The following HIPK3 variants were observed in gnomAD, a reference collection of about 807,000 sequenced individuals.
HIPK3 encodes the protein homeodomain-interacting protein kinase 3.
HIPK3 carries 47 observed loss-of-function variants against 124.2 expected under a neutral mutation model. That is an observed-to-expected ratio of 0.38 (90% CI 0.30 to 0.48). The LOEUF (loss-of-function observed/expected upper bound fraction) is 0.48, where lower values mean the gene tolerates loss of function less well. HIPK3 is among the 20% of genes least tolerant of loss of function. HIPK3 has a pLI of 0.98. For missense variants in HIPK3, 1,286 were observed against 1,454.3 expected (o/e 0.88, Z 1.88); for synonymous variants, 482 against 515.2 (o/e 0.94, Z 0.87).
chr11:33,275,606 G>A (rs908592301), intron 1 of HIPK3, among the ~76,000 whole-genome samples: 1 of 151,962 alleles, frequency 6.6e-6, no homozygotes, highest in African/African-American at 2.4e-5. Context: ...GCTACATATT[G>A]TTATATAGTT....
chr11:33,298,676 CTT>C (rs1467242389), intron 2 of HIPK3, among the ~76,000 whole-genome samples: 1 of 152,170 alleles, frequency 6.6e-6, no homozygotes. Flanking sequence ...TCATGGATGA[CTT>C]CGAGGGGTTC....
intron 1 of HIPK3, chr11:33,258,584 C>T (rs1452068316): frequency 3.0e-6 from 3 of 985,308 alleles, no homozygotes; most frequent in South Asian, 4.7e-5. Flanking sequence ...TCTCTCGTTA[C>T]GGTGGCTGCC....
chr11:33,305,143 G>A (rs1852118232), intron 2 of HIPK3, among the ~76,000 whole-genome samples: 1 of 152,178 alleles, frequency 6.6e-6, no homozygotes, highest in Non-Finnish European at 1.5e-5. Context: ...TGGGATTACA[G>A]GCTTGCGCCA....
intron 16 of HIPK3, 124 bp downstream of exon 16, chr11:33,352,389 C>G: frequency 1.0e-6 from 1 of 995,932 alleles, no homozygotes; most frequent in Non-Finnish European, 1.5e-6. Flanking sequence ...CTCATTATCC[C>G]AAGTGGCTAA....
At chr11:33,352,381 C>G in intron 16 of HIPK3, 116 bp downstream of exon 16, 2 of 1,103,752 alleles carry the variant, frequency 1.8e-6, no homozygotes, top group Non-Finnish European at 2.6e-6. Context: ...TTTCCCTTCT[C>G]ATTATCCCAA....
chr11:33,342,218 A>G (rs565905823), intron 8 of HIPK3, among the ~76,000 whole-genome samples: 1 of 152,090 alleles, frequency 6.6e-6, no homozygotes, highest in East Asian at 1.9e-4. Flanking sequence ...GGGTCATATG[A>G]TAACTGTATT....
In HIPK3 at chr11:33,339,550, AT is replaced by A. The variant is rs1297603580; in HGVS notation, c.1613+17del. 6 of 1,537,846 alleles carry A rather than the reference AT, an allele frequency of 3.9e-6. No homozygotes were observed. Among genetic ancestry groups the A allele is most frequent in the Non-Finnish European group, 5.3e-6 (6 of 1,125,378 alleles). On this transcript the variant is annotated intron_variant, in intron 6 of 16. Transcript: ENST00000303296. ...ATAGCAACCAGTATGTTACTTTAAGATCTTTTAAAGTGGTTCTAAAAAAAAA... is the reference window on the plus strand; with the variant it reads ...ATAGCAACCAGTATGTTACTTTAAGACTTTTAAAGTGGTTCTAAAAAAAAA...
intron 3 of HIPK3, chr11:33,335,590 T>G (rs1359315786): frequency 6.6e-6 from 1 of 152,076 alleles, no homozygotes; most frequent in African/African-American, 2.4e-5. Flanking sequence ...TGAAATAATA[T>G]AGGCTACTAT....
intron 2 of HIPK3, among the ~76,000 whole-genome samples, chr11:33,310,330 G>A (rs1170077883): frequency 5.8e-5 from 5 of 86,428 alleles, no homozygotes; most frequent in African/African-American, 1.2e-4. Flanking sequence ...ATTCTATTGA[G>A]GGTCTTGCTG....
At chr11:33,285,825 G>T (rs1317311695) in intron 1 of HIPK3, among the ~76,000 whole-genome samples, 2 of 151,952 alleles carry the variant, frequency 1.3e-5, no homozygotes, top group Non-Finnish European at 2.9e-5. Context: ...AGGCTGAAGT[G>T]CAGTGGTGCA....
At chr11:33,306,813 G>T (rs1852173500) in intron 2 of HIPK3, among the ~76,000 whole-genome samples, 1 of 152,188 alleles carries the variant, frequency 6.6e-6, no homozygotes, top group Non-Finnish European at 1.5e-5. Flanking sequence ...GTAATGATAT[G>T]ATGATAGGGA....
At chr11:33,303,842 A>G (rs188183034) in intron 2 of HIPK3, among the ~76,000 whole-genome samples, 19 of 152,362 alleles carry the variant, frequency 1.2e-4, no homozygotes, top group African/African-American at 3.8e-4. Context: ...ATTAAAAGGA[A>G]CAAACATTTC....
intron 1 of HIPK3, among the ~76,000 whole-genome samples, chr11:33,267,285 G>T (rs905676664): frequency 6.6e-6 from 1 of 151,164 alleles, no homozygotes; most frequent in African/African-American, 2.4e-5. Context: ...GCTAATTTTT[G>T]TATTTTTAGT....
At chr11:33,308,123 A>C (rs1047568589) in intron 2 of HIPK3, among the ~76,000 whole-genome samples, 7 of 152,150 alleles carry the variant, frequency 4.6e-5, no homozygotes, top group African/African-American at 1.7e-4. Context: ...AGAGATTAAG[A>C]TGCATTGTTT....
chr11:33,325,940 T>C (rs1481996396), intron 2 of HIPK3, among the ~76,000 whole-genome samples: 2 of 152,232 alleles, frequency 1.3e-5, no homozygotes, highest in African/African-American at 4.8e-5. Context: ...AAACTTCTTA[T>C]AACCATGTTT....
At chr11:33,261,624 G>C (rs899656703) in intron 1 of HIPK3, among the ~76,000 whole-genome samples, 1 of 152,184 alleles carries the variant, frequency 6.6e-6, no homozygotes, top group African/African-American at 2.4e-5. Context: ...TCCCATTGAT[G>C]AACATTTAGG....
intron 1 of HIPK3, among the ~76,000 whole-genome samples, chr11:33,268,591 C>CAAAAAAA (rs35408664): frequency 2.6e-5 from 2 of 76,018 alleles, no homozygotes; most frequent in African/African-American, 5.2e-5. Context: ...ACTCCGTCAC[C>CAAAAAAA]AAAAAAAAAA....
intron 1 of HIPK3, among the ~76,000 whole-genome samples, chr11:33,276,191 AT>A (rs1277477778): frequency 6.6e-6 from 1 of 151,948 alleles, no homozygotes; most frequent in Non-Finnish European, 1.5e-5. Flanking sequence ...TTTTATCTGA[AT>A]TTTTTGAGAG....
intron 2 of HIPK3, among the ~76,000 whole-genome samples, chr11:33,292,563 A>T (rs1851725774): frequency 6.6e-6 from 1 of 152,088 alleles, no homozygotes. Context: ...ACTGGTCTTG[A>T]GCATTTTCTC....
Sources: allele counts gnomAD v4.1 joint callset (sites outside exome capture counted in the v4.1 genomes callset), GRCh38; gene constraint gnomAD v4.1.1; transcripts MANE v1.5; gene names NCBI Gene and HGNC (gene_info 2026-07-23, HGNC 2026-07-21).